Variants in METTL9 observed in about 807,000 individuals in gnomAD.
METTL9 encodes the protein methyltransferase 9, His-X-His N1(pi)-histidine, also known as protein-L-histidine N-pros-methyltransferase.
In METTL9, 10 loss-of-function variants were observed where a neutral mutation model predicts 36.0. That is an observed-to-expected ratio of 0.28 (90% CI 0.17 to 0.47). The LOEUF is 0.47. Among genes scored for constraint, METTL9 ranks in the 20% least tolerant of loss-of-function variants. The pLI, the probability that METTL9 is intolerant of heterozygous loss-of-function variation, is 0.99. For missense variants in METTL9, 246 were observed against 383.5 expected, an observed-to-expected ratio of 0.64 and a Z score of 3.00; for synonymous variants, 175 against 149.7, an observed-to-expected ratio of 1.17 and a Z score of -1.23.
chr16:21,618,536 T>C (rs768461122), intron 3 of METTL9, among the ~76,000 whole-genome samples: 4 of 152,132 alleles, frequency 2.6e-5, no homozygotes, highest in Non-Finnish European at 5.9e-5. Context: ...TCCCCATTTT[T>C]CCCTCCTCGT....
intron 1 of METTL9, among the ~76,000 whole-genome samples, chr16:21,604,341 C>CT (rs1386498941): frequency 6.6e-6 from 1 of 152,056 alleles, no homozygotes; most frequent in Non-Finnish European, 1.5e-5. Flanking sequence ...TGAAGGTGCC[C>CT]TAGAAGACCC....
chr16:21,629,255 T>C (rs78619681), intron 4 of METTL9, among the ~76,000 whole-genome samples: 2,374 of 151,966 alleles, frequency 0.016, 28 homozygotes, highest in Middle Eastern at 0.048. Flanking sequence ...CCCATCGTGA[T>C]GGTATTAGGA....
At chr16:21,616,043 A>G (rs1478276035) in intron 2 of METTL9, among the ~76,000 whole-genome samples, 1 of 152,200 alleles carries the variant, frequency 6.6e-6, no homozygotes, top group Non-Finnish European at 1.5e-5. Context: ...GGGAAAAGGA[A>G]GGGGGACTTT....
chr16:21,652,706 A>G, intron 4 of METTL9: 1 of 759,620 alleles, frequency 1.3e-6, no homozygotes, highest in Non-Finnish European at 2.2e-6. Flanking sequence ...TGAAGGAACC[A>G]TAATCAGGAA....
chr16:21,618,113 A>G, intron 3 of METTL9, 39 bp downstream of exon 3: 1 of 1,378,000 alleles, frequency 7.3e-7, no homozygotes, highest in Non-Finnish European at 9.9e-7. Context: ...TCTTCTTGAA[A>G]GTATATTATT....
intron 4 of METTL9, among the ~76,000 whole-genome samples, chr16:21,638,968 G>T (rs1250557029): frequency 6.6e-6 from 1 of 152,160 alleles, no homozygotes; most frequent in African/African-American, 2.4e-5. Flanking sequence ...TTTGGTGTGG[G>T]TTTGGTTTTG....
In METTL9 at chr16:21,625,068, G is replaced by A. The variant is rs1965788216; in HGVS notation, c.704G>A (p.Arg235Lys). ...AGTGTCTTGGAGCCAACTAGAGGCA[G>A]GGTCATCCTTGCCCTTGTCCTCCCC... ...IRSVLEPTRGRVILALVLPFH... is the reference protein window; with the variant it reads ...IRSVLEPTRGKVILALVLPFH... The change falls in exon 4 of 5, where the codon AGG becomes AAG. Residue 235 changes from arginine to lysine, a missense_variant. Arg to Lys is a conservative substitution (Grantham distance 26, BLOSUM62 2). Transcript: ENST00000358154. 6.2e-7 allele frequency: 1 copy of A among 1,614,184 alleles called. No homozygotes were observed. Among genetic ancestry groups the A allele is most frequent in the East Asian group, 2.2e-5 (1 of 44,886 alleles).
At chr16:21,650,051 A>G (rs902369138) in intron 4 of METTL9, among the ~76,000 whole-genome samples, 1 of 152,130 alleles carries the variant, frequency 6.6e-6, no homozygotes, top group Non-Finnish European at 1.5e-5. Flanking sequence ...CAGGAGGCTG[A>G]GACCGGAGGC....
intron 2 of METTL9, among the ~76,000 whole-genome samples, chr16:21,615,275 C>G (rs1965526151): frequency 6.6e-6 from 1 of 152,152 alleles, no homozygotes. Context: ...GTTGCCTAGG[C>G]TGGAGTGCAG....
Position 21,634,509 on chromosome 16 carries a change from A to G in METTL9, c.751+9394A>G, listed in dbSNP as rs980075155. Among the ~76,000 whole-genome samples, 7 of 152,002 alleles carry G rather than the reference A, an allele frequency of 4.6e-5. No homozygotes were observed. In the South Asian group the frequency reaches 1.2e-3, roughly 27 times the overall value. ...CCCTACCGGGTGATTGACCTGCCCC[A>G]TTTTCTGTCCTCTCTGAACCACCAA... On this transcript the variant is annotated intron_variant, in intron 4 of 4. Transcript: ENST00000358154.
rs1023861038 is a variant in METTL9, at chr16:21,607,216, A to G, written c.166-5429A>G. 6.6e-5 allele frequency among the ~76,000 whole-genome samples: 10 copies of G among 152,066 alleles called. 1 individual carries two copies. Among genetic ancestry groups the G allele is most frequent in the Non-Finnish European group, 1.5e-4 (10 of 68,028 alleles). On this transcript the variant is annotated intron_variant, in intron 1 of 4. Transcript: ENST00000358154. The stretch of plus-strand genomic sequence containing the variant: ...TAGCCTCCCAAGTAGCTGGAATTAT[A>G]GGTTCCTGCCACCACGCCTGGCTAA...
At chr16:21,646,812 TGCGCG>T (rs1966440863) in intron 4 of METTL9, 1 of 356,782 alleles carries the variant, frequency 2.8e-6, no homozygotes, top group Non-Finnish European at 5.5e-6. Context: ...CATGCCACCA[TGCGCG>T]GCTAATTTTT....
chr16:21,612,792 T>G lies in METTL9; in HGVS notation c.313T>G (p.Ser105Ala), dbSNP rs1422880915. Residue 105 changes from serine to alanine, a missense_variant, in exon 2 of 5, where the codon TCA becomes GCA. Ser to Ala is a moderately conservative substitution (Grantham distance 99). Coordinates refer to ENST00000358154, the MANE Select transcript of METTL9 (RefSeq NM_016025.5). ...TATCCAATTATATCATTCTTTTGTG[T>G]CATCTGTTTTTAGCCTGTTTATGTC... is the stretch of plus-strand genomic sequence containing the variant. ...LFIQLYHSFV[S>A]SVFSLFMSRT... The G allele has an allele frequency of 5.6e-6, 9 of 1,612,108 alleles. No individual in the cohort carries two copies. Among genetic ancestry groups the G allele is most frequent in the Non-Finnish European group, 7.6e-6 (9 of 1,179,492 alleles).
At chr16:21,598,041 T>G (rs1964990119), upstream of METTL9, 1 of 152,186 alleles carries the variant, frequency 6.6e-6, no homozygotes, top group African/African-American at 2.4e-5. Flanking sequence ...CAAGCTGAGA[T>G]TCTTAAAAGC....
At chr16:21,615,393 C>G (rs911022544) in intron 2 of METTL9, among the ~76,000 whole-genome samples, 1 of 152,032 alleles carries the variant, frequency 6.6e-6, no homozygotes, top group East Asian at 1.9e-4. Context: ...CCGTGCCTGG[C>G]TAATTTTTGT....
At chr16:21,638,244 G>A (rs962640570) in intron 4 of METTL9, among the ~76,000 whole-genome samples, 1 of 152,160 alleles carries the variant, frequency 6.6e-6, no homozygotes, top group Admixed American at 6.5e-5. Context: ...CTTGAACCCT[G>A]GAGGCAGAGG....
intron 4 of METTL9, among the ~76,000 whole-genome samples, chr16:21,635,686 G>T: frequency 6.6e-6 from 1 of 152,274 alleles, no homozygotes; most frequent in Non-Finnish European, 1.5e-5. Context: ...TTCAGGGTTT[G>T]TGGGTCAAAT....
At chr16:21,623,384 C>T (rs1390704566) in intron 3 of METTL9, among the ~76,000 whole-genome samples, 11 of 152,146 alleles carry the variant, frequency 7.2e-5, no homozygotes, top group African/African-American at 2.7e-4. Context: ...CAAAACAACC[C>T]TCATTATACT....
chr16:21,647,466 C>CA, intron 4 of METTL9: 1 of 1,613,780 alleles, frequency 6.2e-7, no homozygotes, highest in South Asian at 1.1e-5. Flanking sequence ...GGTTGTGTGA[C>CA]AGAGAGAGTA....
Sources: allele counts gnomAD v4.1 joint callset (sites outside exome capture counted in the v4.1 genomes callset), GRCh38; gene constraint gnomAD v4.1.1; transcripts MANE v1.5; gene names NCBI Gene and HGNC (gene_info 2026-07-23, HGNC 2026-07-21).